Variants in PDPK1 observed in about 807,000 individuals in gnomAD.
PDPK1 encodes 3-phosphoinositide-dependent protein kinase 1.
Under a neutral mutation model 39.8 loss-of-function variants are expected in PDPK1, and 7 were observed. That is an observed-to-expected ratio of 0.18 (90% CI 0.10 to 0.33). PDPK1 has a LOEUF of 0.33. Among genes scored for constraint, PDPK1 ranks in the 10% least tolerant of loss-of-function variants. The probability of loss-of-function intolerance (pLI) is 1.00; values close to 1 mark genes in which losing one functional copy is unlikely to be tolerated. For synonymous variants in PDPK1, 118 were observed against 159.1 expected, an observed-to-expected ratio of 0.74 and a Z score of 1.95; for missense variants, 182 against 384.7, an observed-to-expected ratio of 0.47 and a Z score of 4.41.
At position 2,600,229 on chromosome 16, in the gene PDPK1, A is replaced by G. The variant is rs2067190388; in HGVS notation, c.*2462A>G. 4.3e-6 allele frequency: 1 copy of G among 233,272 alleles called. No individual in the cohort carries two copies. The highest frequency in any genetic ancestry group is 2.2e-5 in the African/African-American group (1 of 45,376). 14.5% of individuals were successfully genotyped at this position (233,272 alleles called of 1,614,324 possible). ...GTGCACATAGACACACTTACGTGGA[A>G]TTACAGTTGTGGGTTTATCCAAGAT... On this transcript the variant is annotated 3_prime_UTR_variant, in exon 14 of 14. Transcript: ENST00000342085.
At chr16:2,595,483 C>T (rs368113205) in intron 11 of PDPK1, among the ~76,000 whole-genome samples, 3 of 152,340 alleles carry the variant, frequency 2.0e-5, no homozygotes, top group African/African-American at 7.2e-5. Context: ...ACCTGTGTCA[C>T]CTGCCCGTTT....
chr16:2,593,416 G>A lies in PDPK1; in HGVS notation c.1344-2377G>A, dbSNP rs996544189. The A allele has an allele frequency of 2.8e-5, 9 of 320,604 alleles. No individual in the cohort carries two copies. Among genetic ancestry groups the A allele is most frequent in the African/African-American group, 4.5e-5 (2 of 44,916 alleles). 19.9% of individuals were successfully genotyped at this position (320,604 alleles called of 1,614,324 possible). A position where few individuals can be genotyped will look rare whatever the true frequency, so the allele number is the denominator to read the frequency against. ...TGGTTTTTTAGGTGGAGGTGGTTTC[G>A]TCCTCTTTCCGTGGCTCCCACAGCT... On this transcript the variant is annotated intron_variant, in intron 11 of 13. Transcript: ENST00000342085. The surrounding 1 kb of genome is among the most constrained non-coding windows in gnomAD (Gnocchi z 4.2).
rs563671913 is a variant in PDPK1 at position 2,592,980 on chromosome 16, G to A, written c.1344-2813G>A. On this transcript the variant is annotated intron_variant, in intron 11 of 13. Transcript: ENST00000342085. ...TCTGGGGCTTCAGTGTCCCTGGCAT[G>A]GGTGACACTGCTGGGAGTGCCTCTG... is the stretch of plus-strand genomic sequence containing the variant. 8.5e-5 allele frequency: 39 copies of A among 456,728 alleles called. 1 individual carries two copies. In the East Asian group the frequency reaches 2.6e-3, roughly 30 times the overall value. 28.3% of individuals were successfully genotyped at this position (456,728 alleles called of 1,614,324 possible). A position where few individuals can be genotyped will look rare whatever the true frequency, so the allele number is the denominator to read the frequency against.
chr16:2,592,956 CTG>C (rs767542734), intron 11 of PDPK1: 10 of 456,660 alleles, frequency 2.2e-5, no homozygotes, highest in South Asian at 1.5e-4. Flanking sequence ...CTGAGCCACT[CTG>C]GGGCTTCAGT....
intron 11 of PDPK1, chr16:2,592,569 G>A (rs1333618148): frequency 5.7e-6 from 2 of 350,948 alleles, no homozygotes; most frequent in South Asian, 2.1e-5. Context: ...CAGCTACTCA[G>A]GAGGCTGAGA....
At chr16:2,543,798 C>T (rs964250093) in intron 1 of PDPK1, among the ~76,000 whole-genome samples, 7 of 152,206 alleles carry the variant, frequency 4.6e-5, no homozygotes, top group African/African-American at 1.4e-4. Flanking sequence ...CTCGGCTCAC[C>T]GCAACCTCCG....
At chr16:2,552,023 G>T (rs771982652) in intron 1 of PDPK1, among the ~76,000 whole-genome samples, 1 of 151,114 alleles carries the variant, frequency 6.6e-6, no homozygotes, top group Non-Finnish European at 1.5e-5. Flanking sequence ...AAAAAGAGAT[G>T]GGGTCTCACT....
intron 2 of PDPK1, among the ~76,000 whole-genome samples, chr16:2,558,407 G>C (rs1377705804): frequency 6.7e-6 from 1 of 149,766 alleles, no homozygotes; most frequent in Non-Finnish European, 1.5e-5. Flanking sequence ...TCTCTGTTTT[G>C]TTTTTTTGAA....
chr16:2,588,749 T>C lies in PDPK1; in HGVS notation c.1343+1856T>C, dbSNP rs543262748. On this transcript the variant is annotated intron_variant, in intron 11 of 13. Coordinates refer to ENST00000342085, the MANE Select transcript of PDPK1 (RefSeq NM_002613.5). ...GCTGCTGGGAGGTCTGTCCAGCACC[T>C]GCTCTTTACAGTAGTGGTTTGCATT... Among the ~76,000 whole-genome samples the C allele has an allele frequency of 3.9e-5, 6 of 152,318 alleles. No individual in the cohort carries two copies. In the South Asian group the frequency reaches 1.0e-3, roughly 26 times the overall value.
At position 2,597,575 on chromosome 16, in the gene PDPK1, C is replaced by T. The variant is rs984729656; in HGVS notation, c.1555-76C>T. 9.5e-6 allele frequency: 10 copies of T among 1,055,676 alleles called. No individual in the cohort carries two copies. In the African/African-American group the frequency reaches 1.4e-4, roughly 15 times the overall value. The allele number at this position is 1,055,676 out of a possible 1,614,324, so 65.4% of individuals were successfully genotyped here. ...TTTCAGGACTCGGAATGGCTGGTCG[C>T]AGGCAGCTCACCAGGTTGGGGTGGG... On this transcript the variant is annotated intron_variant, in intron 13 of 13. Transcript: ENST00000342085. The surrounding 1 kb of genome is among the most constrained non-coding windows in gnomAD (Gnocchi z 6.3).
At chr16:2,551,769 C>T (rs1165841383) in intron 1 of PDPK1, among the ~76,000 whole-genome samples, 2 of 150,580 alleles carry the variant, frequency 1.3e-5, no homozygotes, top group South Asian at 2.1e-4. Context: ...TGGGTTCAAG[C>T]GATTCTCCTA....
intron 1 of PDPK1, chr16:2,556,240 C>T (rs1234090633): frequency 2.0e-5 from 3 of 146,822 alleles, no homozygotes; most frequent in Non-Finnish European, 4.4e-5. Context: ...CACATGCCAC[C>T]GTACCTGGTT....
At chr16:2,545,648 C>T (rs2066329127) in intron 1 of PDPK1, among the ~76,000 whole-genome samples, 1 of 152,128 alleles carries the variant, frequency 6.6e-6, no homozygotes, top group Non-Finnish European at 1.5e-5. Flanking sequence ...GCGCCCACCG[C>T]CACACTCGGC....
chr16:2,592,694 G>A (rs77846065), intron 11 of PDPK1: 4,551 of 421,078 alleles, frequency 0.011, 171 homozygotes, highest in African/African-American at 0.082. Context: ...AAAAATCAAG[G>A]TGATTCCTGG....
chr16:2,586,062 T>C (rs902784891), intron 10 of PDPK1, among the ~76,000 whole-genome samples: 1 of 152,336 alleles, frequency 6.6e-6, no homozygotes, highest in African/African-American at 2.4e-5. Context: ...GGCACGTTTA[T>C]GAGTGAGTTT....
Position 2,600,307 on chromosome 16 carries a change from A to C in PDPK1, c.*2540A>C, listed in dbSNP as rs1373099721. The C allele has an allele frequency of 4.3e-6, 1 of 233,274 alleles. No individual in the cohort carries two copies. The highest frequency in any genetic ancestry group is 8.5e-6 in the Non-Finnish European group (1 of 118,112). The allele number at this position is 233,274 out of a possible 1,614,324, so 14.5% of individuals were successfully genotyped here. ...GACTTGGGGCCATGTGCCTCCCCACACATGGGCAAGGACAGGTGGAATGTC... is the reference window on the plus strand; with the variant it reads ...GACTTGGGGCCATGTGCCTCCCCACCCATGGGCAAGGACAGGTGGAATGTC... On this transcript the variant is annotated 3_prime_UTR_variant, in exon 14 of 14. Transcript: ENST00000342085.
rs564679204 is a variant in PDPK1 at position 2,587,182 on chromosome 16, C to T, written c.1343+289C>T. 2.6e-5 allele frequency among the ~76,000 whole-genome samples: 4 copies of T among 152,314 alleles called. No individual in the cohort carries two copies. The South Asian group carries it at 8.3e-4, about 32-fold the overall frequency. ...ATGGACAGACGCGGCCTGGACCTGGCCACTTGGGAGTTTATGAGGTTTGCT... is the reference window on the plus strand; with the variant it reads ...ATGGACAGACGCGGCCTGGACCTGGTCACTTGGGAGTTTATGAGGTTTGCT... On this transcript the variant is annotated intron_variant, in intron 11 of 13. Transcript: ENST00000342085.
Position 2,577,879 on chromosome 16 carries a change from C to A in PDPK1, c.785+379C>A, listed in dbSNP as rs1048604277. 6.0e-4 allele frequency among the ~76,000 whole-genome samples: 89 copies of A among 149,216 alleles called. 2 individuals are homozygous for A. The highest frequency in any genetic ancestry group is 1.3e-3 in the Admixed American group (19 of 14,968). ...TCAGCCTCCCGAGTAGCTGGGACTA[C>A]AGGCGCACGCCACCACGTCCAGCTG... On this transcript the variant is annotated intron_variant, in intron 7 of 13. Transcript: ENST00000342085.
chr16:2,597,367 A>T lies in PDPK1; in HGVS notation c.1554+92A>T, dbSNP rs1198778280. On this transcript the variant is annotated intron_variant, in intron 13 of 13. Coordinates refer to ENST00000342085, the MANE Select transcript of PDPK1 (RefSeq NM_002613.5). This position sits in a 1 kb window ranked among gnomAD's most constrained non-coding sequence, Gnocchi z 6.3. ...GCCACAGGCCTTGGCCAGAGGGAGC[A>T]GCGGGGATCGGGGCAGCTGCCTCGC... 4.2e-6 allele frequency: 5 copies of T among 1,202,510 alleles called. No individual in the cohort carries two copies. The highest frequency in any genetic ancestry group is 5.9e-6 in the Non-Finnish European group (5 of 846,460). 74.5% of individuals were successfully genotyped at this position (1,202,510 alleles called of 1,614,324 possible). A position where few individuals can be genotyped will look rare whatever the true frequency, so the allele number is the denominator to read the frequency against.
Sources: allele counts gnomAD v4.1 joint callset (sites outside exome capture counted in the v4.1 genomes callset), GRCh38; gene constraint gnomAD v4.1.1; non-coding constraint Gnocchi (gnomAD v3.1); transcripts MANE v1.5; gene names NCBI Gene and HGNC (gene_info 2026-07-23, HGNC 2026-07-21).